Variants in ESRRG observed in about 807,000 individuals in gnomAD.
ESRRG encodes estrogen related receptor gamma.
A neutral mutation model predicts 44.0 loss-of-function variants in ESRRG; 13 were observed. The observed-to-expected ratio is 0.30, with a 90% CI of 0.19 to 0.47. The LOEUF is 0.47. Among genes scored for constraint, ESRRG ranks in the 20% least tolerant of loss-of-function variants. The pLI, the probability that ESRRG is intolerant of heterozygous loss-of-function variation, is 1.00. For missense variants in ESRRG, 395 were observed against 580.6 expected, an observed-to-expected ratio of 0.68 and a Z score of 3.29; for synonymous variants, 215 against 214.6, an observed-to-expected ratio of 1.00 and a Z score of -0.02.
chr1:216,596,750 A>C (rs763785333), intron 3 of ESRRG, among the ~76,000 whole-genome samples: 8 of 152,206 alleles, frequency 5.3e-5, no homozygotes, highest in Non-Finnish European at 7.3e-5. Context: ...TCCTCGTCCA[A>C]ACAGTAACTA....
chr1:216,979,046 C>A (rs982453157), intron 1 of ESRRG, among the ~76,000 whole-genome samples: 11 of 151,962 alleles, frequency 7.2e-5, no homozygotes, highest in African/African-American at 2.7e-4. Flanking sequence ...GCTCTCTCTC[C>A]CTCCCCTCCT....
chr1:217,046,832 A>T (rs2084963991), intron 1 of ESRRG, among the ~76,000 whole-genome samples: 1 of 152,138 alleles, frequency 6.6e-6, no homozygotes, highest in Admixed American at 6.5e-5. Flanking sequence ...GCAATGAGCC[A>T]TAATTATGCC....
intron 2 of ESRRG, among the ~76,000 whole-genome samples, chr1:216,828,832 G>A (rs956141563): frequency 1.3e-4 from 20 of 152,050 alleles, no homozygotes; most frequent in African/African-American, 4.3e-4. Context: ...TCTTTTACCC[G>A]TTCTCTTTTA....
At chr1:216,699,005 A>G (rs2080854892) in intron 1 of ESRRG, among the ~76,000 whole-genome samples, 1 of 152,158 alleles carries the variant, frequency 6.6e-6, no homozygotes, top group Non-Finnish European at 1.5e-5. Context: ...CTATCTTTCT[A>G]TCCCTGGAAC....
Position 216,665,997 on chromosome 1 carries a change from C to T in ESRRG, c.472+11079G>A, listed in dbSNP as rs766443874. On this transcript the variant is annotated intron_variant, in intron 2 of 6. Coordinates refer to ENST00000408911, the MANE Select transcript of ESRRG (RefSeq NM_001438.4). ...AGTATATCAGGAAAACACATCACTG[C>T]CCTGGGCTTTACCAAAAAAAGAAAA... Among the ~76,000 whole-genome samples, 54 of 152,078 alleles carry T rather than the reference C, an allele frequency of 3.6e-4. 1 individual carries two copies. The highest frequency in any genetic ancestry group is 1.0e-4 in the Non-Finnish European group (7 of 68,014).
intron 3 of ESRRG, among the ~76,000 whole-genome samples, chr1:216,600,930 T>C (rs2059136104): frequency 6.6e-6 from 1 of 152,196 alleles, no homozygotes; most frequent in Non-Finnish European, 1.5e-5. Context: ...AGCCCAATCT[T>C]TCCTGTCTGA....
chr1:216,547,693 T>C (rs187902446), intron 5 of ESRRG, among the ~76,000 whole-genome samples: 1 of 152,228 alleles, frequency 6.6e-6, no homozygotes. Context: ...TCCACCTGTA[T>C]TAATGTTTGT....
At chr1:216,575,048 A>T (rs1252271249) in intron 3 of ESRRG, among the ~76,000 whole-genome samples, 1 of 152,098 alleles carries the variant, frequency 6.6e-6, no homozygotes, top group East Asian at 1.9e-4. Context: ...AAGGCAGATT[A>T]GCAGTATCAG....
At chr1:216,934,019 C>G (rs541042583) in intron 2 of ESRRG, among the ~76,000 whole-genome samples, 83 of 152,318 alleles carry the variant, frequency 5.4e-4, no homozygotes, top group Non-Finnish European at 9.3e-4. Flanking sequence ...CATTTAGCAG[C>G]TCAGTATGCG....
Position 217,110,341 on chromosome 1 carries a change from C to T in ESRRG, c.-230+27326G>A, listed in dbSNP as rs2092647470. Among the ~76,000 whole-genome samples, 3 of 152,178 alleles carry T rather than the reference C, an allele frequency of 2.0e-5. No homozygotes were observed. In the South Asian group the frequency reaches 6.2e-4, roughly 31 times the overall value. On this transcript the variant is annotated intron_variant, in intron 1 of 8. Coordinates refer to the ESRRG transcript ENST00000366940. ...TTGGGCTTCCAAAATTGGACTACTT[C>T]TCATCACTTTATCTTCCTGAAACCC...
At chr1:217,128,491 T>G (rs2092919482) in intron 1 of ESRRG, among the ~76,000 whole-genome samples, 1 of 152,226 alleles carries the variant, frequency 6.6e-6, no homozygotes, top group African/African-American at 2.4e-5. Context: ...GTCAACCTTT[T>G]GATTTTCCTG....
chr1:217,099,210 C>T (rs559456601), intron 1 of ESRRG, among the ~76,000 whole-genome samples: 2 of 152,152 alleles, frequency 1.3e-5, no homozygotes, highest in African/African-American at 4.8e-5. Flanking sequence ...AAGAAATGTG[C>T]CAAGAAAGAA....
intron 3 of ESRRG, among the ~76,000 whole-genome samples, chr1:216,639,815 C>T (rs2066023198): frequency 6.6e-6 from 1 of 152,146 alleles, no homozygotes; most frequent in South Asian, 2.1e-4. Context: ...AAGATACCCT[C>T]CCTTTGGGTT....
chr1:216,608,234 A>G (rs933190022), intron 3 of ESRRG, among the ~76,000 whole-genome samples: 1 of 152,204 alleles, frequency 6.6e-6, no homozygotes, highest in African/African-American at 2.4e-5. Flanking sequence ...ATCTTTTATC[A>G]ACTTAAATAT....
intron 5 of ESRRG, among the ~76,000 whole-genome samples, chr1:216,543,039 A>C (rs939471798): frequency 1.3e-5 from 2 of 152,054 alleles, no homozygotes; most frequent in Non-Finnish European, 2.9e-5. Flanking sequence ...GTTTCCACTC[A>C]AAATAGCCAT....
intron 1 of ESRRG, among the ~76,000 whole-genome samples, chr1:216,677,778 A>G (rs2076357754): frequency 6.6e-6 from 1 of 152,234 alleles, no homozygotes; most frequent in South Asian, 2.1e-4. Context: ...CAGACAGGCC[A>G]TAAACAAAAG....
Position 216,677,429 on chromosome 1 carries a change from T to G in ESRRG, c.119A>C (p.Lys40Thr). The change falls in exon 2 of 7, where the codon AAG becomes ACG. Residue 40 changes from lysine to threonine, a missense_variant. Lys to Thr is a moderately conservative substitution (Grantham distance 78, BLOSUM62 -1). This residue lies in a region of ESRRG where 148 missense variants were observed against 150.4 expected (regional missense o/e 0.98). Transcript: ENST00000408911. ...HIDSSCSSFI[K>T]TEPSSPASLT... is the part of the protein sequence containing the mutation. The stretch of plus-strand genomic sequence containing the variant: ...GGAGGCTGGGCTGGAAGGTTCCGTC[T>G]TGATGAAGGACGAACAGCTGGAATC... 1.2e-6 allele frequency: 2 copies of G among 1,614,052 alleles called. No homozygotes were observed. Among genetic ancestry groups the G allele is most frequent in the Non-Finnish European group, 1.7e-6 (2 of 1,179,996 alleles).
At chr1:216,597,988 C>G (rs537012140) in intron 3 of ESRRG, among the ~76,000 whole-genome samples, 1 of 152,274 alleles carries the variant, frequency 6.6e-6, no homozygotes. Flanking sequence ...CCCATATAGG[C>G]TTTTCCCTTC....
At chr1:216,763,172 AC>A (rs2152351694) in intron 2 of ESRRG, among the ~76,000 whole-genome samples, 1 of 152,252 alleles carries the variant, frequency 6.6e-6, no homozygotes, top group Admixed American at 6.5e-5. Flanking sequence ...CCTCAATTCT[AC>A]ATTTTGGGTT....
Sources: allele counts gnomAD v4.1 joint callset (sites outside exome capture counted in the v4.1 genomes callset), GRCh38; gene constraint gnomAD v4.1.1; regional missense constraint gnomAD v4.1.1; transcripts MANE v1.5; gene names NCBI Gene and HGNC (gene_info 2026-07-23, HGNC 2026-07-21).